SGCZ: variants seen among roughly 807,000 people sequenced by gnomAD.
SGCZ encodes the protein sarcoglycan zeta, also known as zeta-sarcoglycan.
Under a neutral mutation model 41.3 loss-of-function variants are expected in SGCZ, and 40 were observed. The ratio of observed to expected loss-of-function variants is 0.97; its 90% CI spans 0.75 to 1.26. The LOEUF is 1.26. Ranked by LOEUF, SGCZ falls within the 50% of genes most tolerant of loss-of-function variation. The pLI is 0.00. For missense variants in SGCZ, 552 were observed against 369.8 expected, an observed-to-expected ratio of 1.49 and a Z score of -4.04; for synonymous variants, 206 against 137.5, an observed-to-expected ratio of 1.50 and a Z score of -3.49.
At chr8:14,724,671 AAG>A (rs1018065016) in intron 1 of SGCZ, among the ~76,000 whole-genome samples, 39 of 135,694 alleles carry the variant, frequency 2.9e-4, no homozygotes, top group African/African-American at 1.0e-3. Flanking sequence ...TTATAAATAA[AAG>A]AGTTATCACT....
intron 1 of SGCZ, among the ~76,000 whole-genome samples, chr8:14,991,429 T>C (rs1480694): frequency 0.077 from 11,727 of 152,140 alleles, 696 homozygotes; most frequent in African/African-American, 0.16. Flanking sequence ...GCATTGGAGT[T>C]TGAGATGCCC....
intron 2 of SGCZ, among the ~76,000 whole-genome samples, chr8:14,429,621 T>A (rs1285920415): frequency 6.6e-6 from 1 of 152,182 alleles, no homozygotes; most frequent in Non-Finnish European, 1.5e-5. Flanking sequence ...TGAAACTAAG[T>A]TAAGGATTTT....
intron 1 of SGCZ, among the ~76,000 whole-genome samples, chr8:14,641,704 T>A (rs73188131): frequency 6.6e-6 from 1 of 151,594 alleles, no homozygotes; most frequent in Non-Finnish European, 1.5e-5. Context: ...ATAGAGTTTA[T>A]TGCTACAATA....
chr8:14,155,228 A>T (rs1191611824), intron 5 of SGCZ, among the ~76,000 whole-genome samples: 2 of 152,134 alleles, frequency 1.3e-5, no homozygotes, highest in Non-Finnish European at 2.9e-5. Context: ...AATGTTTCTC[A>T]ATTTCAGATT....
chr8:14,861,618 A>G (rs1803749286), intron 1 of SGCZ, among the ~76,000 whole-genome samples: 1 of 152,120 alleles, frequency 6.6e-6, no homozygotes. Context: ...CATTTTGACT[A>G]CCTGAGAGAG....
chr8:14,578,685 T>C (rs1161526637), intron 1 of SGCZ, among the ~76,000 whole-genome samples: 4 of 152,186 alleles, frequency 2.6e-5, no homozygotes, highest in Non-Finnish European at 4.4e-5. Context: ...TAATAAGGGA[T>C]ATTACTTGTA....
intron 1 of SGCZ, among the ~76,000 whole-genome samples, chr8:14,860,698 AAGAAAGAAAG>A (rs1319421706): frequency 5.2e-5 from 7 of 134,450 alleles, no homozygotes; most frequent in African/African-American, 1.8e-4. Context: ...GAAAGAAGGA[AAGAAAGAAAG>A]AGAAAGAAAG....
At chr8:15,062,924 A>G (rs1804990437) in intron 1 of SGCZ, among the ~76,000 whole-genome samples, 1 of 152,030 alleles carries the variant, frequency 6.6e-6, no homozygotes. Context: ...GACCTAAGCT[A>G]ACAAAGTACT....
At position 14,280,731 on chromosome 8, in the gene SGCZ, C is replaced by T. The variant is rs374074963; in HGVS notation, c.337-43052G>A. 4.5e-4 allele frequency among the ~76,000 whole-genome samples: 68 copies of T among 151,078 alleles called. 1 individual carries two copies. Among genetic ancestry groups the T allele is most frequent in the African/African-American group, 1.5e-3 (60 of 41,268 alleles). Reference sequence around the variant, plus strand: ...AAATTGACTTTGGACATCTTTCAAACGAGGAAGTTATGTTCTTATACTTTT... The same window carrying T: ...AAATTGACTTTGGACATCTTTCAAATGAGGAAGTTATGTTCTTATACTTTT... On this transcript the variant is annotated intron_variant, in intron 3 of 7. Transcript: ENST00000382080.
At chr8:14,203,161 T>A (rs1167478690) in intron 4 of SGCZ, among the ~76,000 whole-genome samples, 3 of 152,174 alleles carry the variant, frequency 2.0e-5, no homozygotes, top group African/African-American at 7.2e-5. Context: ...AATTGCCCAG[T>A]CCCAGATATG....
At chr8:14,296,161 A>C (rs151013083) in intron 3 of SGCZ, among the ~76,000 whole-genome samples, 2 of 152,196 alleles carry the variant, frequency 1.3e-5, no homozygotes, top group African/African-American at 4.8e-5. Flanking sequence ...AACAAGATCT[A>C]TCTGATCTGG....
At chr8:14,978,507 T>C (rs28376071) in intron 1 of SGCZ, among the ~76,000 whole-genome samples, 7,404 of 97,426 alleles carry the variant, frequency 0.076, 358 homozygotes, top group African/African-American at 0.14. Context: ...AAAAAAAAAA[T>C]TGTATCTGCT....
At chr8:14,824,247 C>G (rs1802212973) in intron 1 of SGCZ, among the ~76,000 whole-genome samples, 1 of 152,004 alleles carries the variant, frequency 6.6e-6, no homozygotes, top group Non-Finnish European at 1.5e-5. Context: ...AGGGGCTCCT[C>G]AATGTTCTCA....
intron 4 of SGCZ, among the ~76,000 whole-genome samples, chr8:14,197,269 G>A (rs1805295285): frequency 6.6e-6 from 1 of 152,034 alleles, no homozygotes; most frequent in African/African-American, 2.4e-5. Flanking sequence ...ATATAGAAAT[G>A]AAGGGAACAC....
intron 1 of SGCZ, among the ~76,000 whole-genome samples, chr8:14,656,625 T>C (rs1410961755): frequency 6.7e-6 from 1 of 148,656 alleles, no homozygotes; most frequent in African/African-American, 2.5e-5. Context: ...TCTCTCTCTC[T>C]CTCCTCCCCT....
chr8:14,177,949 T>TTTTTTTTTCTTTTC (rs1217434897), intron 4 of SGCZ, among the ~76,000 whole-genome samples: 2 of 65,824 alleles, frequency 3.0e-5, no homozygotes, highest in African/African-American at 6.5e-5. Flanking sequence ...CCTTCTTTTC[T>TTTTTTTTTCTTTTC]TTTTTTTTCT....
chr8:14,677,082 A>T (rs2117528570), intron 1 of SGCZ, among the ~76,000 whole-genome samples: 1 of 152,242 alleles, frequency 6.6e-6, no homozygotes, highest in East Asian at 1.9e-4. Context: ...ACTGACCAAA[A>T]AAAAACCTCT....
At chr8:14,751,219 A>T (rs1799489580) in intron 1 of SGCZ, among the ~76,000 whole-genome samples, 1 of 152,186 alleles carries the variant, frequency 6.6e-6, no homozygotes, top group Admixed American at 6.5e-5. Context: ...ATAAAGATAG[A>T]CACAGTCTCT....
chr8:14,602,089 C>T (rs13439245), intron 1 of SGCZ, among the ~76,000 whole-genome samples: 23,738 of 151,784 alleles, frequency 0.16, 2,279 homozygotes, highest in Non-Finnish European at 0.21. Context: ...CACTGCACTC[C>T]AGCCTGGGCG....
Sources: allele counts gnomAD v4.1 joint callset (sites outside exome capture counted in the v4.1 genomes callset), GRCh38; gene constraint gnomAD v4.1.1; transcripts MANE v1.5; gene names NCBI Gene and HGNC (gene_info 2026-07-23, HGNC 2026-07-21).